CADPS2: variants seen among roughly 807,000 people sequenced by gnomAD.
CADPS2 encodes calcium-dependent secretion activator 2.
CADPS2 carries 93 observed loss-of-function variants against 172.5 expected under a neutral mutation model. The observed-to-expected ratio is 0.54, with a 90% CI of 0.46 to 0.64. The LOEUF (loss-of-function observed/expected upper bound fraction) is 0.64, where lower values mean the gene tolerates loss of function less well. Among genes scored for constraint, CADPS2 ranks in the 30% least tolerant of loss-of-function variants. The probability of loss-of-function intolerance (pLI) is 0.00; values close to 1 mark genes in which losing one functional copy is unlikely to be tolerated. For synonymous variants in CADPS2, 546 were observed against 555.2 expected, an observed-to-expected ratio of 0.98 and a Z score of 0.23; for missense variants, 1,420 against 1,565.9, an observed-to-expected ratio of 0.91 and a Z score of 1.57.
At chr7:122,512,572 G>A (rs377739349) in intron 9 of CADPS2, among the ~76,000 whole-genome samples, 31 of 152,146 alleles carry the variant, frequency 2.0e-4, no homozygotes, top group African/African-American at 7.2e-4. Flanking sequence ...GAATCCAATC[G>A]TAAGCAAATA....
At chr7:122,415,601 C>CAAAAAAAAAAAA (rs549530021) in intron 18 of CADPS2, among the ~76,000 whole-genome samples, 3 of 64,946 alleles carry the variant, frequency 4.6e-5, no homozygotes, top group Non-Finnish European at 1.0e-4. Context: ...AATACAGAAC[C>CAAAAAAAAAAAA]AAAAAAAAAA....
chr7:122,803,986 A>C (rs1390641585), intron 1 of CADPS2, among the ~76,000 whole-genome samples: 2 of 146,578 alleles, frequency 1.4e-5, no homozygotes, highest in East Asian at 2.2e-4. Context: ...AAAAAAAAAA[A>C]AAAAAAAAAA....
At position 122,451,412 on chromosome 7, in the gene CADPS2, T is replaced by G. The variant is rs1271133882; in HGVS notation, c.2250A>C (p.Arg750Ser). 3.2e-6 allele frequency: 5 copies of G among 1,569,452 alleles called. No individual in the cohort carries two copies. The highest frequency in any genetic ancestry group is 4.3e-6 in the Non-Finnish European group (5 of 1,155,108). Residue 750 changes from arginine (R) to serine (S), a missense_variant, in exon 15 of 30, where the codon AGA becomes AGC. Arg to Ser is a moderately radical substitution (Grantham distance 110). Transcript: ENST00000449022. ...TCTGATTTTCTAAAAGGGAAGAGAG[T>G]CTCTCTTTTATCTCCTCAAATCTTT... ...EKERFEEIKE[R>S]LSSLLENQIS... is the part of the protein sequence containing the mutation.
At chr7:122,863,444 T>G (rs937008473) in intron 1 of CADPS2, among the ~76,000 whole-genome samples, 4 of 152,100 alleles carry the variant, frequency 2.6e-5, no homozygotes, top group African/African-American at 9.7e-5. Context: ...CTAAATACCG[T>G]AGCAATGCCC....
intron 9 of CADPS2, among the ~76,000 whole-genome samples, chr7:122,509,215 G>A (rs2059842345): frequency 6.6e-6 from 1 of 152,082 alleles, no homozygotes; most frequent in African/African-American, 2.4e-5. Context: ...CAATAGGATG[G>A]GCAGCCACTT....
intron 1 of CADPS2, among the ~76,000 whole-genome samples, chr7:122,866,601 T>C (rs1419924388): frequency 6.6e-6 from 1 of 152,172 alleles, no homozygotes; most frequent in African/African-American, 2.4e-5. Context: ...CTCGAGATGC[T>C]GAAGCAGGAG....
At chr7:122,714,712 T>C (rs954909821) in intron 2 of CADPS2, among the ~76,000 whole-genome samples, 27 of 152,158 alleles carry the variant, frequency 1.8e-4, no homozygotes, top group African/African-American at 6.0e-4. Context: ...ACAAGGTGTT[T>C]CGTATAGTGT....
At chr7:122,850,268 C>A in intron 1 of CADPS2, 1 of 759,442 alleles carries the variant, frequency 1.3e-6, no homozygotes. Context: ...ACTGGGGGCC[C>A]CAGGACTCCC....
intron 20 of CADPS2, among the ~76,000 whole-genome samples, chr7:122,399,713 GTC>G: frequency 1.1e-5 from 1 of 87,702 alleles, no homozygotes; most frequent in South Asian, 3.9e-4. Context: ...TTGAGACGGA[GTC>G]TCGCTCTGTC....
intron 25 of CADPS2, among the ~76,000 whole-genome samples, chr7:122,367,376 CT>C (rs142503237): frequency 4.7e-4 from 70 of 149,922 alleles, no homozygotes; most frequent in Admixed American, 2.5e-3. Context: ...TTCCTAAATC[CT>C]TTTTTTTTGG....
At chr7:122,540,676 A>G (rs1208978542) in intron 8 of CADPS2, among the ~76,000 whole-genome samples, 1 of 152,154 alleles carries the variant, frequency 6.6e-6, no homozygotes, top group Non-Finnish European at 1.5e-5. Context: ...CCTGACAATT[A>G]CCATGGGAAA....
At chr7:122,624,927 A>G (rs2075936869) in intron 4 of CADPS2, among the ~76,000 whole-genome samples, 1 of 152,234 alleles carries the variant, frequency 6.6e-6, no homozygotes, top group South Asian at 2.1e-4. Flanking sequence ...GAAAAAGTCT[A>G]GAAGGAGGAA....
intron 7 of CADPS2, among the ~76,000 whole-genome samples, chr7:122,569,525 A>G (rs1288821148): frequency 6.9e-6 from 1 of 144,544 alleles, no homozygotes; most frequent in African/African-American, 2.7e-5. Context: ...GAATTGGAAA[A>G]AACTACTTTA....
At chr7:122,494,166 T>C (rs1411243912) in intron 9 of CADPS2, among the ~76,000 whole-genome samples, 2 of 152,182 alleles carry the variant, frequency 1.3e-5, no homozygotes, top group Non-Finnish European at 2.9e-5. Context: ...GAAGACATTT[T>C]CCCTCAGCTT....
chr7:122,764,213 A>T (rs991265869), intron 1 of CADPS2, among the ~76,000 whole-genome samples: 7 of 151,880 alleles, frequency 4.6e-5, no homozygotes, highest in Admixed American at 1.3e-4. Flanking sequence ...AAGGCTGAAG[A>T]CCCTCTTACG....
chr7:122,669,577 G>A (rs866831861), intron 2 of CADPS2, among the ~76,000 whole-genome samples: 36 of 151,804 alleles, frequency 2.4e-4, no homozygotes, highest in Admixed American at 2.2e-3. Context: ...CATGAGGGAG[G>A]AAGAGTAACG....
At chr7:122,861,757 G>A (rs927315409) in intron 1 of CADPS2, among the ~76,000 whole-genome samples, 13 of 152,206 alleles carry the variant, frequency 8.5e-5, no homozygotes, top group South Asian at 2.1e-4. Flanking sequence ...CGCACTATGC[G>A]TATATATTGA....
chr7:122,443,588 G>T (rs1586090691), intron 15 of CADPS2, among the ~76,000 whole-genome samples: 1 of 137,638 alleles, frequency 7.3e-6, no homozygotes, highest in Admixed American at 7.7e-5. Flanking sequence ...TTTAAATACA[G>T]TATTTTTTTT....
intron 25 of CADPS2, among the ~76,000 whole-genome samples, chr7:122,366,502 G>A (rs1228642700): frequency 6.6e-6 from 1 of 150,396 alleles, no homozygotes; most frequent in African/African-American, 2.4e-5. Flanking sequence ...CTACTCAGGA[G>A]GCTGAGGCAG....
Sources: allele counts gnomAD v4.1 joint callset (sites outside exome capture counted in the v4.1 genomes callset), GRCh38; gene constraint gnomAD v4.1.1; transcripts MANE v1.5; gene names NCBI Gene and HGNC (gene_info 2026-07-23, HGNC 2026-07-21).